The following SYTL5 variants were observed in gnomAD, a reference collection of about 807,000 sequenced individuals.
SYTL5 encodes the protein synaptotagmin like 5, also known as synaptotagmin-like protein 5.
In SYTL5, 34 loss-of-function variants were observed where a neutral mutation model predicts 55.9. The ratio of observed to expected loss-of-function variants is 0.61; its 90% CI spans 0.46 to 0.81. The LOEUF (loss-of-function observed/expected upper bound fraction) is 0.81, where lower values mean the gene tolerates loss of function less well. SYTL5 is among the 30% of genes least tolerant of loss of function. The probability of loss-of-function intolerance (pLI) is 0.00; values close to 1 mark genes in which losing one functional copy is unlikely to be tolerated. For missense variants in SYTL5, 637 were observed against 546.7 expected, an observed-to-expected ratio of 1.17 and a Z score of -1.65; for synonymous variants, 221 against 188.7, an observed-to-expected ratio of 1.17 and a Z score of -1.40.
the SYTL5 span, among the ~76,000 whole-genome samples, chrX:37,929,520 G>T: frequency 8.9e-6 from 1 of 112,093 alleles, no homozygotes; most frequent in Non-Finnish European, 1.9e-5. Flanking sequence ...GATGGGCAAG[G>T]CTGTATTATG....
chrX:38,033,412 T>TA (rs1343668081), intron 1 of SYTL5, 122 bp from the exon 2 acceptor site: 1 of 113,178 alleles, frequency 8.8e-6, no homozygotes, highest in African/African-American at 3.2e-5. Flanking sequence ...TTTACTGTTT[T>TA]AAAAAATAGT....
chrX:37,919,167 C>A, the SYTL5 span, among the ~76,000 whole-genome samples: 2 of 111,303 alleles, frequency 1.8e-5, no homozygotes, highest in Admixed American at 9.6e-5. Flanking sequence ...GACCCCTGGA[C>A]CCTTTGACTA....
intron 2 of SYTL5, among the ~76,000 whole-genome samples, chrX:38,047,165 G>A (rs1935487989): frequency 8.9e-6 from 1 of 112,277 alleles, no homozygotes; most frequent in Non-Finnish European, 1.9e-5. Flanking sequence ...TCTTCTCACA[G>A]CTTCACTAGG....
chrX:38,075,217 C>T (rs1936359467), intron 5 of SYTL5, among the ~76,000 whole-genome samples: 1 of 111,483 alleles, frequency 9.0e-6, no homozygotes, highest in African/African-American at 3.3e-5. Flanking sequence ...CATTGTAGCA[C>T]TGGGCTGAGC....
chrX:38,006,212 A>G (rs1933984285), upstream of SYTL5, among the ~76,000 whole-genome samples: 1 of 111,821 alleles, frequency 8.9e-6, no homozygotes, highest in Non-Finnish European at 1.9e-5. Context: ...GGATATATGT[A>G]AAGCACTTAC....
intron 1 of SYTL5, among the ~76,000 whole-genome samples, chrX:38,021,895 G>A (rs1569158066): frequency 8.9e-6 from 1 of 112,089 alleles, no homozygotes; most frequent in Non-Finnish European, 1.9e-5. Context: ...ACAAGCTGTT[G>A]CAATTTGCGA....
intron 6 of SYTL5, among the ~76,000 whole-genome samples, chrX:38,081,420 C>CA (rs1181840197): frequency 3.3e-3 from 345 of 104,165 alleles, no homozygotes; most frequent in Middle Eastern, 9.5e-3. Context: ...TCTGAAGTTG[C>CA]AAAAAAAAAA....
chrX:37,954,938 A>AT, the SYTL5 span, among the ~76,000 whole-genome samples: 1 of 111,142 alleles, frequency 9.0e-6, no homozygotes, highest in Non-Finnish European at 1.9e-5. Context: ...AAATAGAACA[A>AT]CTTTTATATA....
chrX:37,954,355 G>A, the SYTL5 span, among the ~76,000 whole-genome samples: 27 of 111,807 alleles, frequency 2.4e-4, no homozygotes, highest in Admixed American at 1.3e-3. Context: ...CTGTAGGGCT[G>A]TGTGATTTTT....
intron 13 of SYTL5, among the ~76,000 whole-genome samples, chrX:38,116,136 A>G (rs1602412853): frequency 8.9e-6 from 1 of 111,866 alleles, no homozygotes; most frequent in East Asian, 2.8e-4. Flanking sequence ...ACAAGGGTCC[A>G]ATTTCATTCT....
In SYTL5 at chrX:38,128,270, A is replaced by G. The variant is rs1937712955; in HGVS notation, c.*1540A>G. On this transcript the variant is annotated 3_prime_UTR_variant, in exon 17 of 17. Coordinates refer to ENST00000297875, the MANE Select transcript of SYTL5 (RefSeq NM_138780.3). ...ATCTGGACTTAAATCCAGACTATCA[A>G]TCTTAGGCCAGTGTTCTTTTTTCAA... 8.9e-6 allele frequency: 1 copy of G among 111,975 alleles called. No individual in the cohort carries two copies. Among genetic ancestry groups the G allele is most frequent in the Non-Finnish European group, 1.9e-5 (1 of 53,186 alleles). The allele number at this position is 111,975 out of a possible 1,213,427, so 9.2% of individuals were successfully genotyped here.
the SYTL5 span, among the ~76,000 whole-genome samples, chrX:37,952,018 A>G: frequency 9.0e-6 from 1 of 111,084 alleles, no homozygotes; most frequent in East Asian, 2.8e-4. Context: ...GGGGCTCTGA[A>G]TTCAAGAAAT....
chrX:38,078,851 A>C, intron 6 of SYTL5, among the ~76,000 whole-genome samples: 1 of 112,482 alleles, frequency 8.9e-6, no homozygotes, highest in Non-Finnish European at 1.9e-5. Context: ...AAAGTCCCTA[A>C]GTAGACTTTA....
chrX:38,030,525 C>T (rs940217896), intron 1 of SYTL5, among the ~76,000 whole-genome samples: 1 of 111,995 alleles, frequency 8.9e-6, no homozygotes, highest in South Asian at 3.7e-4. Context: ...CGAACCAGGC[C>T]AAATGGCCAA....
chrX:38,036,069 G>A (rs1427475274), intron 2 of SYTL5, among the ~76,000 whole-genome samples: 1 of 110,931 alleles, frequency 9.0e-6, no homozygotes, highest in Non-Finnish European at 1.9e-5. Flanking sequence ...ACTTTGGGAG[G>A]CTGAGGAGGG....
chrX:38,124,815 C>T (rs191485587), intron 15 of SYTL5, among the ~76,000 whole-genome samples: 257 of 111,860 alleles, frequency 2.3e-3, no homozygotes, highest in African/African-American at 8.0e-3. Flanking sequence ...TCAAACTCAT[C>T]AGTTAAAAGT....
chrX:38,110,310 C>A lies in SYTL5; in HGVS notation c.1435-11C>A. On this transcript the variant is annotated splice_polypyrimidine_tract_variant and intron_variant, in intron 12 of 16. Coordinates refer to ENST00000297875, the MANE Select transcript of SYTL5 (RefSeq NM_138780.3). ...CCTTGTGGAGTGTAATGTTGTAAAT[C>A]TCATTCGCAGTACACTATCAGCCAT... 1 of 1,179,497 alleles carries A rather than the reference C, an allele frequency of 8.5e-7. No individual in the cohort carries two copies. The highest frequency in any genetic ancestry group is 1.1e-6 in the Non-Finnish European group (1 of 877,644).
the SYTL5 span, chrX:37,946,284 T>C: frequency 8.4e-6 from 1 of 118,842 alleles, no homozygotes; most frequent in Non-Finnish European, 1.7e-5. Context: ...AATGACAAAA[T>C]GGTATATGCT....
the SYTL5 span, among the ~76,000 whole-genome samples, chrX:37,974,049 G>A: frequency 5.4e-5 from 6 of 111,629 alleles, no homozygotes; most frequent in Non-Finnish European, 7.5e-5. Flanking sequence ...GGGTTGGTGG[G>A]TAGGAGAAAC....
Sources: gnomAD v4.1 joint callset for allele counts (sites outside exome capture counted in the v4.1 genomes callset) on GRCh38, gnomAD v4.1.1 for gene constraint, MANE v1.5 for transcripts, NCBI Gene and HGNC (gene_info 2026-07-23, HGNC 2026-07-21) for gene names.